Variants in EPB41L3 observed in about 807,000 individuals in gnomAD.
EPB41L3 encodes erythrocyte membrane protein band 4.1 like 3, also known as band 4.1-like protein 3.
A neutral mutation model predicts 127.1 loss-of-function variants in EPB41L3; 57 were observed. That is an observed-to-expected ratio of 0.45 (90% CI 0.36 to 0.56). EPB41L3 has a LOEUF of 0.56. EPB41L3 is among the 20% of genes least tolerant of loss of function. The probability of loss-of-function intolerance (pLI) is 0.00; values close to 1 mark genes in which losing one functional copy is unlikely to be tolerated. For missense variants in EPB41L3, 1,273 were observed against 1,372.2 expected (o/e 0.93, Z 1.14); for synonymous variants, 572 against 549.5 (o/e 1.04, Z -0.57).
chr18:5,442,410 T>C lies in EPB41L3; in HGVS notation c.529+1428A>G, dbSNP rs565587672. Among the ~76,000 whole-genome samples the C allele has an allele frequency of 4.6e-5, 7 of 152,262 alleles. No homozygotes were observed. In the South Asian group the frequency reaches 1.5e-3, roughly 32 times the overall value. On this transcript the variant is annotated intron_variant, in intron 5 of 22. Coordinates refer to ENST00000341928, the MANE Select transcript of EPB41L3 (RefSeq NM_012307.5). Reference sequence around the variant, plus strand: ...TTAATTGTATAAATAATCACCCGACTCTCTTATATCTAGAAGTATGGTTAT... The same window carrying C: ...TTAATTGTATAAATAATCACCCGACCCTCTTATATCTAGAAGTATGGTTAT...
At chr18:5,538,826 C>A (rs2093642955) in intron 1 of EPB41L3, among the ~76,000 whole-genome samples, 1 of 152,134 alleles carries the variant, frequency 6.6e-6, no homozygotes. Context: ...CTGCAGAATT[C>A]TCTTCCCTGA....
intron 2 of EPB41L3, among the ~76,000 whole-genome samples, chr18:5,485,615 C>T (rs536105774): frequency 1.6e-4 from 24 of 152,094 alleles, no homozygotes; most frequent in African/African-American, 5.3e-4. Flanking sequence ...CACCAAAAAA[C>T]TGTGAGAACT....
intron 3 of EPB41L3, among the ~76,000 whole-genome samples, chr18:5,571,770 C>T (rs572116333): frequency 6.6e-6 from 1 of 152,244 alleles, no homozygotes; most frequent in South Asian, 2.1e-4. Context: ...GGCAAAATAA[C>T]TCCACCCTTC....
intron 1 of EPB41L3, among the ~76,000 whole-genome samples, chr18:5,522,001 A>T: frequency 6.6e-6 from 1 of 152,250 alleles, no homozygotes; most frequent in East Asian, 1.9e-4. Context: ...TAATGCAATT[A>T]AAAACTATCA....
intron 1 of EPB41L3, among the ~76,000 whole-genome samples, chr18:5,498,421 C>T (rs1452543009): frequency 3.3e-5 from 5 of 151,806 alleles, no homozygotes; most frequent in Admixed American, 3.3e-4. Flanking sequence ...TGGTGAAACC[C>T]CATCTCTACT....
chr18:5,543,954 C>A lies in EPB41L3; in HGVS notation c.-53G>T, dbSNP rs1355884040. On this transcript the variant is annotated 5_prime_UTR_variant, in exon 1 of 23. Coordinates refer to ENST00000341928, the MANE Select transcript of EPB41L3 (RefSeq NM_012307.5). The surrounding 1 kb of genome is among the most constrained non-coding windows in gnomAD (Gnocchi z 5.2). ...GCCCGGGCGCGCCGCGGCGTGGGGA[C>A]TAGGCTCGGGCGCGCGTCCTCGGCG... 11 of 985,624 alleles carry A rather than the reference C, an allele frequency of 1.1e-5. No individual in the cohort carries two copies. In the African/African-American group the frequency reaches 1.9e-4, roughly 17 times the overall value. The allele number at this position is 985,624 out of a possible 1,614,324, so 61.1% of individuals were successfully genotyped here. A position where few individuals can be genotyped will look rare whatever the true frequency, so the allele number is the denominator to read the frequency against.
chr18:5,411,729 C>T (rs1485264624), intron 13 of EPB41L3, among the ~76,000 whole-genome samples: 1 of 150,808 alleles, frequency 6.6e-6, no homozygotes, highest in Non-Finnish European at 1.5e-5. Flanking sequence ...AAAATAACCT[C>T]CCACTACAAA....
intron 1 of EPB41L3, among the ~76,000 whole-genome samples, chr18:5,616,870 C>T (rs76744448): frequency 1.6e-3 from 249 of 152,218 alleles, no homozygotes; most frequent in African/African-American, 5.6e-3. Flanking sequence ...TGCCATACTT[C>T]AGTTATCTTC....
chr18:5,530,436 A>T (rs1017646031), intron 1 of EPB41L3, among the ~76,000 whole-genome samples: 54 of 152,152 alleles, frequency 3.5e-4, no homozygotes, highest in African/African-American at 1.3e-3. Context: ...TTAAAAGTAC[A>T]TCTGACCACG....
At chr18:5,629,870 G>T (rs913426435), upstream of EPB41L3, among the ~76,000 whole-genome samples, 3 of 152,190 alleles carry the variant, frequency 2.0e-5, no homozygotes, top group Non-Finnish European at 4.4e-5. Context: ...ACTAGCGCGC[G>T]CTGGCAAAAG....
At chr18:5,596,123 G>A (rs957425583) in intron 3 of EPB41L3, among the ~76,000 whole-genome samples, 7 of 152,116 alleles carry the variant, frequency 4.6e-5, no homozygotes, top group Admixed American at 1.3e-4. Context: ...TTCTCTGTTC[G>A]GATTGGTCCA....
chr18:5,410,005 G>C (rs1033497980), intron 14 of EPB41L3, among the ~76,000 whole-genome samples: 1 of 151,998 alleles, frequency 6.6e-6, no homozygotes, highest in African/African-American at 2.4e-5. Flanking sequence ...AGTACTAACA[G>C]TAATTTAAAA....
rs373195311 is a variant in EPB41L3 at position 5,565,562 on chromosome 18, G to A, written c.-306+46778C>T. Among the ~76,000 whole-genome samples the A allele has an allele frequency of 8.7e-5, 13 of 149,960 alleles. No individual in the cohort carries two copies. In the South Asian group the frequency reaches 2.1e-3, roughly 24 times the overall value. On this transcript the variant is annotated intron_variant, in intron 3 of 21. Transcript: ENST00000545076. ...GTTGGTGTGCTGCACCCATTAACTC[G>A]TCATTTAACATTAGGTATATCTCCT...
At chr18:5,523,784 TA>T (rs1466130053) in intron 1 of EPB41L3, among the ~76,000 whole-genome samples, 1 of 150,624 alleles carries the variant, frequency 6.6e-6, no homozygotes, top group South Asian at 2.1e-4. Context: ...AAACTCTGTT[TA>T]AAAAAAAAAT....
intron 1 of EPB41L3, among the ~76,000 whole-genome samples, chr18:5,531,823 G>T (rs1479003130): frequency 6.6e-6 from 1 of 151,498 alleles, no homozygotes; most frequent in African/African-American, 2.4e-5. Context: ...TAAGGAAGAA[G>T]TCCTGAAGTT....
intron 1 of EPB41L3, among the ~76,000 whole-genome samples, chr18:5,530,846 T>C (rs1432267570): frequency 6.6e-6 from 1 of 152,172 alleles, no homozygotes; most frequent in Non-Finnish European, 1.5e-5. Flanking sequence ...CAACAATTAA[T>C]TATGTCTGTG....
At chr18:5,416,853 A>G (rs1448825218) in intron 12 of EPB41L3, among the ~76,000 whole-genome samples, 1 of 148,546 alleles carries the variant, frequency 6.7e-6, no homozygotes, top group Non-Finnish European at 1.5e-5. Flanking sequence ...ATTTTGATTA[A>G]AAAAAAAAAA....
intron 3 of EPB41L3, among the ~76,000 whole-genome samples, chr18:5,587,492 A>G (rs2094451162): frequency 6.6e-6 from 1 of 152,194 alleles, no homozygotes; most frequent in Non-Finnish European, 1.5e-5. Flanking sequence ...TAGGAAAAAG[A>G]GTATATACAG....
chr18:5,509,393 G>A (rs939651476), intron 1 of EPB41L3, among the ~76,000 whole-genome samples: 1 of 152,224 alleles, frequency 6.6e-6, no homozygotes, highest in African/African-American at 2.4e-5. Flanking sequence ...CTGCCTATGG[G>A]TAGCAAGGTC....
Sources: gnomAD v4.1 joint callset for allele counts (sites outside exome capture counted in the v4.1 genomes callset) on GRCh38, gnomAD v4.1.1 for gene constraint, Gnocchi (gnomAD v3.1) non-coding constraint, MANE v1.5 for transcripts, NCBI Gene and HGNC (gene_info 2026-07-23, HGNC 2026-07-21) for gene names.